WAPL: variants seen among roughly 807,000 people sequenced by gnomAD.
The protein encoded by WAPL is wings apart-like protein homolog.
In WAPL, 5 loss-of-function variants were observed where a neutral mutation model predicts 121.0. The ratio of observed to expected loss-of-function variants is 0.04; its 90% CI spans 0.02 to 0.09. WAPL has a LOEUF of 0.09. Among genes scored for constraint, WAPL ranks in the 10% least tolerant of loss-of-function variants. The pLI is 1.00. For missense variants in WAPL, 999 were observed against 1,410.8 expected (o/e 0.71, Z 4.68); for synonymous variants, 480 against 481.5 (o/e 1.00, Z 0.04).
At chr10:86,497,649 A>T (rs963665157) in intron 3 of WAPL, among the ~76,000 whole-genome samples, 1 of 152,228 alleles carries the variant, frequency 6.6e-6, no homozygotes, top group Non-Finnish European at 1.5e-5. Context: ...ATATCCATGG[A>T]TACTGACACT....
rs182643084 is a variant in WAPL at position 86,470,443 on chromosome 10, G to C, written c.2142+549C>G. ...AAAATACTACTAATGCTAATAATTA[G>C]CAATGATGGTTACTTTCTTCTAATT... On this transcript the variant is annotated intron_variant, in intron 8 of 18. Transcript: ENST00000298767. Among the ~76,000 whole-genome samples, 712 of 152,266 alleles carry C rather than the reference G, an allele frequency of 4.7e-3. 2 individuals carry two copies. The highest frequency in any genetic ancestry group is 8.3e-3 in the Non-Finnish European group (562 of 68,020).
intron 2 of WAPL, among the ~76,000 whole-genome samples, chr10:86,509,853 CT>C (rs1842423377): frequency 6.6e-6 from 1 of 151,114 alleles, no homozygotes; most frequent in Admixed American, 6.6e-5. Context: ...CAACCTCCAC[CT>C]CCCGGGTTCA....
In WAPL at chr10:86,491,061, T is replaced by TAAA. The variant is rs1564580703; in HGVS notation, c.1644+6139_1644+6140insTTT. ...CTGGGTGACAGAGCAAGACTCTGTC[T>TAAA]TAAATAAATAAATAAATAAATACAT... On this transcript the variant is annotated intron_variant, in intron 4 of 18. Coordinates refer to ENST00000298767, the MANE Select transcript of WAPL (RefSeq NM_015045.5). Among the ~76,000 whole-genome samples, 68 of 150,748 alleles carry TAAA rather than the reference T, an allele frequency of 4.5e-4. 2 individuals are homozygous for TAAA. Among genetic ancestry groups the TAAA allele is most frequent in the Admixed American group, 4.5e-3 (68 of 15,126 alleles).
At chr10:86,482,221 G>A (rs1051590680) in intron 4 of WAPL, among the ~76,000 whole-genome samples, 3 of 152,098 alleles carry the variant, frequency 2.0e-5, no homozygotes, top group East Asian at 3.9e-4. Flanking sequence ...AAAGACATAA[G>A]GCCAGAAAGA....
intron 4 of WAPL, among the ~76,000 whole-genome samples, chr10:86,493,456 A>G (rs751764399): frequency 1.9e-4 from 29 of 152,144 alleles, no homozygotes; most frequent in Non-Finnish European, 1.5e-5. Context: ...TAACTGGAAA[A>G]CAATCTAGGC....
chr10:86,521,325 C>T (rs1440662199), intron 1 of WAPL, 40 bp downstream of exon 1: 2 of 259,754 alleles, frequency 7.7e-6, no homozygotes, highest in African/African-American at 4.8e-5. Context: ...ACCCTCCCGG[C>T]TCCCTCCCGG....
chr10:86,472,649 A>G lies in WAPL; in HGVS notation c.1856T>C (p.Ile619Thr), dbSNP rs773614270. The change falls in exon 6 of 19, where the codon ATA (isoleucine) becomes ACA (threonine). Residue 619 changes from isoleucine (I) to threonine (T), a missense_variant. Coordinates refer to ENST00000298767, the MANE Select transcript of WAPL (RefSeq NM_015045.5). The surrounding 1 kb of genome is among the most constrained non-coding windows in gnomAD (Gnocchi z 4.2). ...VTIPTQPYQD[I>T]VTALKCRRED... ...TCGTCTGCATTTCAGTGCAGTAACT[A>G]TATCTTGGTAGGGCTGAGTAGGTAT... 29 of 1,613,950 alleles carry G rather than the reference A, an allele frequency of 1.8e-5. No individual in the cohort carries two copies. Among genetic ancestry groups the G allele is most frequent in the African/African-American group, 2.7e-5 (2 of 75,034 alleles).
chr10:86,453,128 A>C, intron 14 of WAPL, 92 bp downstream of exon 14: 1 of 967,664 alleles, frequency 1.0e-6, no homozygotes. Flanking sequence ...ACAATATATT[A>C]AAGGGTTGGT....
chr10:86,485,441 G>A (rs939458625), intron 4 of WAPL, among the ~76,000 whole-genome samples: 1 of 152,026 alleles, frequency 6.6e-6, no homozygotes, highest in Admixed American at 6.6e-5. Context: ...AGAGGCTAAG[G>A]CAGTTGAATC....
At chr10:86,445,078 T>C (rs1271665433) in intron 16 of WAPL, among the ~76,000 whole-genome samples, 1 of 152,070 alleles carries the variant, frequency 6.6e-6, no homozygotes, top group African/African-American at 2.4e-5. Context: ...GAACATATGG[T>C]CGTCCCTCTG....
intron 8 of WAPL, among the ~76,000 whole-genome samples, chr10:86,470,040 T>C (rs1001401438): frequency 2.6e-5 from 4 of 151,636 alleles, no homozygotes; most frequent in Non-Finnish European, 5.9e-5. Context: ...CTAACTTCTT[T>C]TTTTTTTTTT....
At chr10:86,491,278 C>T (rs563703469) in intron 4 of WAPL, among the ~76,000 whole-genome samples, 1 of 150,572 alleles carries the variant, frequency 6.6e-6, no homozygotes, top group African/African-American at 2.4e-5. Context: ...TAGCTGGGAC[C>T]ACAGGCGCCC....
chr10:86,492,370 G>T (rs986046975), intron 4 of WAPL, among the ~76,000 whole-genome samples: 2 of 152,192 alleles, frequency 1.3e-5, no homozygotes, highest in Non-Finnish European at 2.9e-5. Context: ...ATACGAAAAT[G>T]AGGTAAGACA....
At chr10:86,510,812 A>T (rs1842448317) in intron 2 of WAPL, among the ~76,000 whole-genome samples, 1 of 152,230 alleles carries the variant, frequency 6.6e-6, no homozygotes, top group African/African-American at 2.4e-5. Flanking sequence ...TTCGGTAAGT[A>T]TTAAAAATAG....
intron 16 of WAPL, 25 bp from the exon 17 acceptor site, chr10:86,443,388 G>C: frequency 6.2e-7 from 1 of 1,605,808 alleles, no homozygotes; most frequent in Non-Finnish European, 8.5e-7. Context: ...GTAAAGAATT[G>C]TAACAGTATA....
chr10:86,490,086 C>T (rs1276779225), intron 4 of WAPL, among the ~76,000 whole-genome samples: 2 of 151,690 alleles, frequency 1.3e-5, no homozygotes, highest in Admixed American at 6.6e-5. Flanking sequence ...TGGTGGTGCA[C>T]GTCTGTAATC....
chr10:86,446,184 A>G, intron 16 of WAPL, 58 bp downstream of exon 16: 1 of 1,592,394 alleles, frequency 6.3e-7, no homozygotes, highest in Non-Finnish European at 8.6e-7. Context: ...AGTTTGAAGA[A>G]AAAAACAAAA....
chr10:86,501,535 T>C (rs975567057), intron 2 of WAPL, among the ~76,000 whole-genome samples: 7 of 152,222 alleles, frequency 4.6e-5, no homozygotes, highest in Admixed American at 3.9e-4. Flanking sequence ...ATGTATACCC[T>C]ATGCCAAACA....
intron 16 of WAPL, among the ~76,000 whole-genome samples, chr10:86,444,426 A>C (rs1849550273): frequency 6.6e-6 from 1 of 152,220 alleles, no homozygotes; most frequent in African/African-American, 2.4e-5. Context: ...AGCAGAAACC[A>C]CTCAAATGTC....
Sources: gnomAD v4.1 joint callset for allele counts (sites outside exome capture counted in the v4.1 genomes callset) on GRCh38, gnomAD v4.1.1 for gene constraint, Gnocchi (gnomAD v3.1) non-coding constraint, MANE v1.5 for transcripts, NCBI Gene and HGNC (gene_info 2026-07-23, HGNC 2026-07-21) for gene names.